The following FANCL variants were observed in gnomAD, a reference collection of about 807,000 sequenced individuals.
The protein encoded by FANCL is E3 ubiquitin-protein ligase FANCL.
A neutral mutation model predicts 59.4 loss-of-function variants in FANCL; 69 were observed. The ratio of observed to expected loss-of-function variants is 1.16; its 90% confidence interval spans 0.96 to 1.42. The LOEUF (loss-of-function observed/expected upper bound fraction) is 1.42. Among genes scored for constraint, FANCL ranks in the 40% most tolerant of loss-of-function variants. The probability of loss-of-function intolerance (pLI) is 0.00; values close to 1 mark genes in which losing one functional copy is unlikely to be tolerated. For missense variants in FANCL, 519 were observed against 447.2 expected (o/e 1.16, Z -1.45); for synonymous variants, 180 against 147.1 (o/e 1.22, Z -1.62).
chr2:58,212,439 A>C (rs1375163443), intron 5 of FANCL, among the ~76,000 whole-genome samples: 1 of 152,090 alleles, frequency 6.6e-6, no homozygotes, highest in Non-Finnish European at 1.5e-5. Context: ...ACAGAACCAA[A>C]CCATATCATA....
chr2:58,212,164 G>A (rs1469176423), intron 5 of FANCL, among the ~76,000 whole-genome samples: 2 of 152,204 alleles, frequency 1.3e-5, no homozygotes, highest in Non-Finnish European at 2.9e-5. Flanking sequence ...CATGGCTGGG[G>A]AAGCCTCACA....
At chr2:58,201,570 A>T (rs1690027893) in intron 6 of FANCL, among the ~76,000 whole-genome samples, 1 of 151,960 alleles carries the variant, frequency 6.6e-6, no homozygotes, top group African/African-American at 2.4e-5. Context: ...TCTGATGCAT[A>T]TATGTAATTT....
intron 7 of FANCL, among the ~76,000 whole-genome samples, chr2:58,187,413 C>T (rs1368318693): frequency 4.8e-5 from 1 of 20,686 alleles, no homozygotes; most frequent in East Asian, 1.2e-3. Context: ...TGGGGCCTGT[C>T]GTGGGGTGGG....
intron 1 of FANCL, among the ~76,000 whole-genome samples, chr2:58,235,884 C>T (rs973790776): frequency 6.6e-6 from 1 of 151,774 alleles, no homozygotes; most frequent in Non-Finnish European, 1.5e-5. Flanking sequence ...ACAGCAGATT[C>T]CACCTTACAA....
At position 58,236,331 on chromosome 2, in the gene FANCL, T is replaced by C. The variant is rs143493708; in HGVS notation, c.97-4219A>G. ...CAGTGCAAGACAGTGAAGTAACATC[T>C]TTACAGTATCAAAAGTGACAAAATT... On this transcript the variant is annotated intron_variant, in intron 1 of 13. Coordinates refer to ENST00000233741, the MANE Select transcript of FANCL (RefSeq NM_018062.4). 5.1e-3 allele frequency among the ~76,000 whole-genome samples: 779 copies of C among 151,896 alleles called. 10 individuals carry two copies. Among genetic ancestry groups the C allele is most frequent in the African/African-American group, 0.017 (725 of 41,486 alleles).
chr2:58,168,552 G>GT (rs961447997), intron 7 of FANCL, among the ~76,000 whole-genome samples: 72 of 149,502 alleles, frequency 4.8e-4, no homozygotes, highest in East Asian at 9.7e-4. Context: ...AGCTACAGGA[G>GT]TTTTTTTTTT....
At chr2:58,175,774 T>G (rs553849625) in intron 7 of FANCL, among the ~76,000 whole-genome samples, 18 of 152,224 alleles carry the variant, frequency 1.2e-4, no homozygotes, top group African/African-American at 4.3e-4. Flanking sequence ...TGTTGGAAGT[T>G]CTGGCCAGGG....
intron 7 of FANCL, among the ~76,000 whole-genome samples, chr2:58,196,053 A>C (rs1253100818): frequency 6.6e-6 from 1 of 152,158 alleles, no homozygotes; most frequent in Non-Finnish European, 1.5e-5. Flanking sequence ...TAATGGAATA[A>C]TATAAAGTAT....
chr2:58,240,653 A>G (rs562886511), intron 1 of FANCL, among the ~76,000 whole-genome samples: 7 of 152,196 alleles, frequency 4.6e-5, no homozygotes, highest in South Asian at 2.1e-4. Flanking sequence ...AATAAACTCC[A>G]TATGAGAGGC....
At position 58,185,408 on chromosome 2, in the gene FANCL, A is replaced by G. The variant is rs1688303466; in HGVS notation, c.540+13186T>C. ...GAAAGTTTCTGAACACACATACTGAAAAGATTTCTGAACAAACCATCCAAC... is the reference window on the plus strand; with the variant it reads ...GAAAGTTTCTGAACACACATACTGAGAAGATTTCTGAACAAACCATCCAAC... On this transcript the variant is annotated intron_variant, in intron 7 of 13. Transcript: ENST00000233741. 2.0e-5 allele frequency among the ~76,000 whole-genome samples: 3 copies of G among 152,110 alleles called. No individual in the cohort carries two copies. In the South Asian group the frequency reaches 6.2e-4, roughly 32 times the overall value.
intron 6 of FANCL, among the ~76,000 whole-genome samples, chr2:58,199,930 A>T (rs2105111394): frequency 6.6e-6 from 1 of 152,214 alleles, no homozygotes; most frequent in Admixed American, 6.5e-5. Context: ...TTTAACAAAC[A>T]TTTGAAATCA....
chr2:58,226,339 C>T (rs978661984), intron 4 of FANCL, among the ~76,000 whole-genome samples: 1 of 152,062 alleles, frequency 6.6e-6, no homozygotes, highest in Non-Finnish European at 1.5e-5. Context: ...TAAAATGAAG[C>T]CTAATAAGTT....
chr2:58,230,088 GAC>G (rs1170365355), intron 2 of FANCL, among the ~76,000 whole-genome samples: 1 of 152,134 alleles, frequency 6.6e-6, no homozygotes, highest in Non-Finnish European at 1.5e-5. Context: ...ATCAGTAAAT[GAC>G]ATGCAAACAG....
chr2:58,181,867 T>C (rs1029860416), intron 7 of FANCL, among the ~76,000 whole-genome samples: 17 of 151,922 alleles, frequency 1.1e-4, no homozygotes, highest in Admixed American at 1.1e-3. Flanking sequence ...CAAATTATTA[T>C]TTCTGGATTA....
chr2:58,194,337 A>C (rs1352863042), intron 7 of FANCL: 1 of 469,818 alleles, frequency 2.1e-6, no homozygotes. Context: ...TCTGACATTT[A>C]GGCATTCTAC....
Position 58,223,175 on chromosome 2 carries a change from C to T in FANCL, c.274-1133G>A, listed in dbSNP as rs145965887. Among the ~76,000 whole-genome samples, 7 of 150,314 alleles carry T rather than the reference C, an allele frequency of 4.7e-5. No homozygotes were observed. The East Asian group carries it at 1.4e-3, about 29-fold the overall frequency. On this transcript the variant is annotated intron_variant, in intron 4 of 13. Transcript: ENST00000233741. ...AAACAACTGGGAAAACAGATCCGTA[C>T]AGCTGAGAATATCAATATGGATTTA...
In FANCL at chr2:58,206,504, G is replaced by GA. The variant is rs75534727; in HGVS notation, c.375-2279dup. Among the ~76,000 whole-genome samples, 40,201 of 152,012 alleles carry GA rather than the reference G, an allele frequency of 0.26. 6,456 individuals are homozygous for GA. The highest frequency in any genetic ancestry group is 0.41 in the South Asian group (1,973 of 4,822). On this transcript the variant is annotated intron_variant, in intron 5 of 13. Coordinates refer to ENST00000233741, the MANE Select transcript of FANCL (RefSeq NM_018062.4). ...GCATGCACGTTTAAGAGGGGTGGAA[G>GA]AAAAAACTACATCACCACCTACTAC...
intron 11 of FANCL, among the ~76,000 whole-genome samples, chr2:58,162,496 G>C (rs1685340319): frequency 6.6e-6 from 1 of 151,788 alleles, no homozygotes; most frequent in African/African-American, 2.4e-5. Flanking sequence ...CTTATACACA[G>C]ATTTTTTTTT....
chr2:58,209,087 C>T (rs186131605), intron 5 of FANCL, among the ~76,000 whole-genome samples: 1 of 152,332 alleles, frequency 6.6e-6, no homozygotes, highest in Admixed American at 6.5e-5. Context: ...TCTAAGAACT[C>T]TCCTAAATTA....
Sources: gnomAD v4.1 joint callset for allele counts (sites outside exome capture counted in the v4.1 genomes callset) on GRCh38, gnomAD v4.1.1 for gene constraint, MANE v1.5 for transcripts, NCBI Gene and HGNC (gene_info 2026-07-23, HGNC 2026-07-21) for gene names.